Variants in SH3KBP1 observed in about 807,000 individuals in gnomAD.
SH3KBP1 encodes the protein SH3 domain containing kinase binding protein 1.
SH3KBP1 carries 8 observed loss-of-function variants against 50.1 expected under a neutral mutation model. That is an observed-to-expected ratio of 0.16 (90% CI 0.09 to 0.29). SH3KBP1 has a LOEUF of 0.29. Among genes scored for constraint, SH3KBP1 ranks in the 10% least tolerant of loss-of-function variants. The pLI is 1.00. For synonymous variants in SH3KBP1, 227 were observed against 218.6 expected (o/e 1.04, Z -0.34); for missense variants, 377 against 535.2 (o/e 0.70, Z 2.92).
intron 13 of SH3KBP1, among the ~76,000 whole-genome samples, chrX:19,567,762 T>G (rs1213395594): frequency 9.3e-6 from 1 of 107,128 alleles, no homozygotes; most frequent in Non-Finnish European, 1.9e-5. Flanking sequence ...CATGTGAATC[T>G]ACAATGACTT....
At chrX:19,648,350 G>A (rs945780717) in intron 6 of SH3KBP1, among the ~76,000 whole-genome samples, 1 of 98,888 alleles carries the variant, frequency 1.0e-5, no homozygotes, top group South Asian at 4.7e-4. Context: ...AGAGAAGGAG[G>A]GAAGGAAGGA....
At chrX:19,627,056 G>A (rs1309702194) in intron 8 of SH3KBP1, among the ~76,000 whole-genome samples, 3 of 112,126 alleles carry the variant, frequency 2.7e-5, no homozygotes, top group East Asian at 5.6e-4. Flanking sequence ...AGGGAGGTTG[G>A]GTATGCTTAA....
chrX:19,675,128 ATG>A (rs1476732344), intron 6 of SH3KBP1, among the ~76,000 whole-genome samples: 1 of 110,723 alleles, frequency 9.0e-6, no homozygotes, highest in Non-Finnish European at 1.9e-5. Flanking sequence ...ACCCTGGAAA[ATG>A]TACTGTCATT....
intron 15 of SH3KBP1, 42 bp downstream of exon 15, chrX:19,545,880 C>T: frequency 8.4e-7 from 1 of 1,194,838 alleles, no homozygotes; most frequent in Admixed American, 2.2e-5. Context: ...TTAGCACATG[C>T]ATGAAATGAC....
At chrX:19,767,692 C>T (rs1490097382) in intron 2 of SH3KBP1, among the ~76,000 whole-genome samples, 1 of 111,130 alleles carries the variant, frequency 9.0e-6, no homozygotes, top group African/African-American at 3.3e-5. Flanking sequence ...CTGCTAATCT[C>T]CCTTCCCCTG....
intron 1 of SH3KBP1, among the ~76,000 whole-genome samples, chrX:19,864,990 C>A (rs759307146): frequency 1.8e-5 from 2 of 112,154 alleles, no homozygotes; most frequent in South Asian, 7.4e-4. Context: ...TGTCACAGGG[C>A]AACTTCTAAA....
intron 2 of SH3KBP1, among the ~76,000 whole-genome samples, chrX:19,802,449 T>C: frequency 9.0e-6 from 1 of 110,853 alleles, no homozygotes; most frequent in East Asian, 2.9e-4. Context: ...TTGAAGGAAC[T>C]TTCCTCCATC....
intron 3 of SH3KBP1, among the ~76,000 whole-genome samples, chrX:19,742,064 C>A (rs1335849853): frequency 9.0e-6 from 1 of 111,536 alleles, no homozygotes; most frequent in Non-Finnish European, 1.9e-5. Context: ...ATAAAGTTAG[C>A]CAGGAAATCC....
intron 15 of SH3KBP1, among the ~76,000 whole-genome samples, chrX:19,542,422 G>A (rs1053350987): frequency 8.9e-6 from 1 of 111,989 alleles, no homozygotes; most frequent in African/African-American, 3.2e-5. Flanking sequence ...TTTCTGGACA[G>A]AGAGTTTCCG....
chrX:19,695,631 A>G lies in SH3KBP1; in HGVS notation c.501T>C (p.Asp167=). The G allele has an allele frequency of 8.3e-7, 1 of 1,209,742 alleles. No individual in the cohort carries two copies. The highest frequency in any genetic ancestry group is 1.1e-6 in the Non-Finnish European group (1 of 894,907). ...CCTTACTTGACTTGGATAGCTGCTC[A>G]TCCTGGGAAATGCCAAGCTCATCCG... ...GESDELGISQ[D]EQLSKSSLRE... is the part of the protein sequence containing the mutation. Residue 167 remains aspartate, a synonymous_variant, in exon 5 of 18, where the codon GAT becomes GAC. Coordinates refer to ENST00000397821, the MANE Select transcript of SH3KBP1 (RefSeq NM_031892.3).
At chrX:19,548,638 GAGA>G (rs2065151307) in intron 14 of SH3KBP1, among the ~76,000 whole-genome samples, 1 of 111,914 alleles carries the variant, frequency 8.9e-6, no homozygotes, top group South Asian at 3.7e-4. Flanking sequence ...CTAGATATGA[GAGA>G]AGAGGTTCCA....
At chrX:19,785,782 C>T (rs2066328545) in intron 2 of SH3KBP1, among the ~76,000 whole-genome samples, 1 of 111,796 alleles carries the variant, frequency 8.9e-6, no homozygotes, top group Admixed American at 9.5e-5. Flanking sequence ...TGCTACCACA[C>T]GGATGAACCT....
chrX:19,624,966 A>G (rs770514988), intron 8 of SH3KBP1, among the ~76,000 whole-genome samples: 78 of 112,183 alleles, frequency 7.0e-4, no homozygotes, highest in African/African-American at 2.5e-3. Context: ...TCAGGGTGAC[A>G]CGTGCTAATT....
rs1483177863 is a variant in SH3KBP1, at chrX:19,852,990, A to G, written c.5-16708T>C. ...AAGATGAGAGTACACAAGCGAGTTG[A>G]CGCCTTCTCTTAAACAGGAATCAAG... On this transcript the variant is annotated intron_variant, in intron 1 of 17. Coordinates refer to ENST00000397821, the MANE Select transcript of SH3KBP1 (RefSeq NM_031892.3). Among the ~76,000 whole-genome samples, 3 of 112,625 alleles carry G rather than the reference A, an allele frequency of 2.7e-5. No homozygotes were observed. In the East Asian group the frequency reaches 8.3e-4, roughly 31 times the overall value.
At chrX:19,671,103 T>C in intron 6 of SH3KBP1, 2 of 838,136 alleles carry the variant, frequency 2.4e-6, no homozygotes, top group East Asian at 7.2e-5. Flanking sequence ...CTCGCCTATG[T>C]TGCTGCTGCA....
intron 3 of SH3KBP1, among the ~76,000 whole-genome samples, chrX:19,728,681 T>A (rs138291634): frequency 2.8e-4 from 31 of 111,830 alleles, no homozygotes; most frequent in African/African-American, 1.0e-3. Flanking sequence ...TATTTCTTCC[T>A]GGGAACGTTG....
intron 6 of SH3KBP1, among the ~76,000 whole-genome samples, chrX:19,656,174 C>A (rs895784861): frequency 1.8e-5 from 2 of 111,028 alleles, no homozygotes; most frequent in Non-Finnish European, 3.8e-5. Flanking sequence ...AAAAGGCCAG[C>A]AAGGTAAGTT....
Position 19,682,333 on chromosome X carries a change from TACACACACACACACACAC to T in SH3KBP1, c.726+1472_726+1489del, listed in dbSNP as rs59044973. ...ATATTAATAGCAATAATAAGAGTCA[TACACACACACACACACAC>T]ACACACACACACACACACACACACA... On this transcript the variant is annotated intron_variant, in intron 6 of 17. Transcript: ENST00000397821. Among the ~76,000 whole-genome samples, 237 of 75,906 alleles carry T rather than the reference TACACACACACACACACAC, an allele frequency of 3.1e-3. 2 individuals are homozygous for T. Among genetic ancestry groups the T allele is most frequent in the Non-Finnish European group, 5.1e-3 (190 of 37,365 alleles). 65.9% of individuals were successfully genotyped at this position (75,906 alleles called of 115,157 possible).
intron 2 of SH3KBP1, among the ~76,000 whole-genome samples, chrX:19,826,702 TAACATAAC>T (rs2067687740): frequency 9.6e-6 from 1 of 103,829 alleles, no homozygotes; most frequent in Non-Finnish European, 2.0e-5. Context: ...TAACATAACA[TAACATAAC>T]ATAACATAAC....
Sources: allele counts gnomAD v4.1 joint callset (sites outside exome capture counted in the v4.1 genomes callset), GRCh38; gene constraint gnomAD v4.1.1; transcripts MANE v1.5; gene names NCBI Gene and HGNC (gene_info 2026-07-23, HGNC 2026-07-21).